The following MECOM variants were observed in gnomAD, a reference collection of about 807,000 sequenced individuals.
MECOM encodes histone-lysine N-methyltransferase MECOM.
Under a neutral mutation model 116.3 loss-of-function variants are expected in MECOM, and 13 were observed. That is an observed-to-expected ratio of 0.11 (90% CI 0.07 to 0.18). MECOM has a LOEUF of 0.18. Among genes scored for constraint, MECOM ranks in the 10% least tolerant of loss-of-function variants. MECOM has a pLI of 1.00. For missense variants in MECOM, 1,299 were observed against 1,509.0 expected (o/e 0.86, Z 2.31); for synonymous variants, 528 against 535.2 (o/e 0.99, Z 0.19).
chr3:169,561,841 T>C (rs1762669174), intron 1 of MECOM, among the ~76,000 whole-genome samples: 1 of 151,934 alleles, frequency 6.6e-6, no homozygotes, highest in African/African-American at 2.4e-5. Context: ...CATAAAACAT[T>C]GTAAAGAAAC....
At chr3:169,518,081 T>A (rs113688735) in intron 1 of MECOM, among the ~76,000 whole-genome samples, 7,442 of 152,132 alleles carry the variant, frequency 0.049, 193 homozygotes, top group Middle Eastern at 0.075. Flanking sequence ...AACATGGTGA[T>A]ACCCCGTCTT....
At chr3:169,358,786 A>C (rs1175160427) in intron 2 of MECOM, among the ~76,000 whole-genome samples, 1 of 151,764 alleles carries the variant, frequency 6.6e-6, no homozygotes, top group Non-Finnish European at 1.5e-5. Context: ...TATAAGACTT[A>C]TAACAAAGTT....
intron 2 of MECOM, among the ~76,000 whole-genome samples, chr3:169,209,900 A>G (rs1363962382): frequency 6.6e-6 from 1 of 152,214 alleles, no homozygotes; most frequent in Admixed American, 6.5e-5. Context: ...AGACATATGC[A>G]CATGTATGTT....
intron 1 of MECOM, among the ~76,000 whole-genome samples, chr3:169,481,754 T>C (rs1229467176): frequency 6.6e-6 from 1 of 152,080 alleles, no homozygotes; most frequent in Non-Finnish European, 1.5e-5. Flanking sequence ...TTCTGTTAAG[T>C]AAAAAGAGAA....
chr3:169,165,540 A>C (rs1743447524), intron 2 of MECOM, among the ~76,000 whole-genome samples: 1 of 152,186 alleles, frequency 6.6e-6, no homozygotes, highest in Admixed American at 6.5e-5. Context: ...CATCTATTAC[A>C]TTTAGTGAGC....
intron 2 of MECOM, among the ~76,000 whole-genome samples, chr3:169,306,548 G>C (rs770861574): frequency 3.9e-5 from 6 of 152,118 alleles, no homozygotes; most frequent in Admixed American, 2.6e-4. Context: ...TGGACGTGGT[G>C]GTGGGCACCT....
intron 1 of MECOM, among the ~76,000 whole-genome samples, chr3:169,659,156 T>C (rs9862303): frequency 0.01 from 1,568 of 151,194 alleles, 30 homozygotes; most frequent in African/African-American, 0.036. Context: ...GTCCTACATG[T>C]TGAATGTCTG....
In MECOM at chr3:169,533,576, A is replaced by AT. The variant is rs57279349; in HGVS notation, c.37+129759dup. On this transcript the variant is annotated intron_variant, in intron 1 of 16. Transcript: ENST00000651503. ...TCCTCTTATCAATGACCCAGTGCTGATTTTTTTTTTTTTTTATTTCCTTAT... is the reference window on the plus strand; with the variant it reads ...TCCTCTTATCAATGACCCAGTGCTGATTTTTTTTTTTTTTTTATTTCCTTAT... 4.3e-3 allele frequency among the ~76,000 whole-genome samples: 370 copies of AT among 85,070 alleles called. 6 individuals carry two copies. Among genetic ancestry groups the AT allele is most frequent in the Middle Eastern group, 6.0e-3 (1 of 168 alleles). The allele number at this position is 85,070 out of a possible 152,430, so 55.8% of individuals were successfully genotyped here. A position where few individuals can be genotyped will look rare whatever the true frequency, so the allele number is the denominator to read the frequency against.
chr3:169,232,890 T>C (rs958563590), intron 2 of MECOM, among the ~76,000 whole-genome samples: 3 of 152,050 alleles, frequency 2.0e-5, no homozygotes, highest in Non-Finnish European at 4.4e-5. Context: ...AAGCAGCCTT[T>C]TCATGTATAT....
chr3:169,097,281 C>T (rs563563724), intron 12 of MECOM, among the ~76,000 whole-genome samples: 5 of 152,190 alleles, frequency 3.3e-5, no homozygotes, highest in South Asian at 2.1e-4. Context: ...TCTAAATAAG[C>T]ATGTTCTAAC....
chr3:169,406,866 G>A (rs1257309816), intron 1 of MECOM, among the ~76,000 whole-genome samples: 1 of 148,420 alleles, frequency 6.7e-6, no homozygotes, highest in Non-Finnish European at 1.5e-5. Context: ...TTTTTTAATG[G>A]AGTCTCACTC....
chr3:169,309,067 G>C (rs1337741789), intron 2 of MECOM, among the ~76,000 whole-genome samples: 1 of 152,052 alleles, frequency 6.6e-6, no homozygotes, highest in African/African-American at 2.4e-5. Context: ...GGTTAATCAG[G>C]ACAGAAGCCA....
chr3:169,097,351 G>T (rs1290955466), intron 12 of MECOM, among the ~76,000 whole-genome samples: 1 of 151,984 alleles, frequency 6.6e-6, no homozygotes, highest in Non-Finnish European at 1.5e-5. Context: ...GAAAAAGAAT[G>T]TTCTAAATAA....
At chr3:169,357,235 T>C (rs565203745) in intron 2 of MECOM, among the ~76,000 whole-genome samples, 2 of 151,910 alleles carry the variant, frequency 1.3e-5, no homozygotes, top group Non-Finnish European at 2.9e-5. Context: ...GTGGCTAACA[T>C]TCATTAAAGT....
intron 1 of MECOM, among the ~76,000 whole-genome samples, chr3:169,384,698 A>G (rs1733003926): frequency 6.6e-6 from 1 of 152,160 alleles, no homozygotes; most frequent in Non-Finnish European, 1.5e-5. Flanking sequence ...GCACCAAAAT[A>G]AATAGAACAA....
chr3:169,313,494 G>A (rs944430831), intron 2 of MECOM, among the ~76,000 whole-genome samples: 1 of 152,204 alleles, frequency 6.6e-6, no homozygotes, highest in Non-Finnish European at 1.5e-5. Context: ...TCTGCAGGAG[G>A]TGAGAGAGAA....
intron 1 of MECOM, among the ~76,000 whole-genome samples, chr3:169,645,629 T>C (rs1488360893): frequency 6.6e-6 from 1 of 152,228 alleles, no homozygotes; most frequent in East Asian, 1.9e-4. Context: ...CTTTCACAAT[T>C]GAAAATCTCT....
At chr3:169,304,685 A>T (rs1224563801) in intron 2 of MECOM, among the ~76,000 whole-genome samples, 2 of 152,242 alleles carry the variant, frequency 1.3e-5, no homozygotes, top group Non-Finnish European at 2.9e-5. Flanking sequence ...GACAACTTTG[A>T]AAACATTGTT....
At chr3:169,169,421 T>G (rs1744080970) in intron 2 of MECOM, among the ~76,000 whole-genome samples, 1 of 152,204 alleles carries the variant, frequency 6.6e-6, no homozygotes, top group Non-Finnish European at 1.5e-5. Flanking sequence ...TTTATGAATG[T>G]AAATGATGGT....
Sources: allele counts gnomAD v4.1 joint callset (sites outside exome capture counted in the v4.1 genomes callset), GRCh38; gene constraint gnomAD v4.1.1; transcripts MANE v1.5; gene names NCBI Gene and HGNC (gene_info 2026-07-23, HGNC 2026-07-21).